The following MFRP variants were observed in gnomAD, a reference collection of about 807,000 sequenced individuals.
The protein encoded by MFRP is membrane frizzled-related protein.
MFRP carries 74 observed loss-of-function variants against 65.8 expected under a neutral mutation model. The ratio of observed to expected loss-of-function variants is 1.12; its 90% confidence interval spans 0.93 to 1.36. The LOEUF (loss-of-function observed/expected upper bound fraction) is 1.36, where lower values mean the gene tolerates loss of function less well. Ranked by LOEUF, MFRP falls within the 40% of genes most tolerant of loss-of-function variation. The probability of loss-of-function intolerance (pLI) is 0.00; values close to 1 mark genes in which losing one functional copy is unlikely to be tolerated. For synonymous variants in MFRP, 336 were observed against 288.3 expected, an observed-to-expected ratio of 1.17 and a Z score of -1.68; for missense variants, 838 against 736.0, an observed-to-expected ratio of 1.14 and a Z score of -1.60.
At chr11:119,342,509 T>G (rs1163332183) in intron 11 of MFRP, 87 bp downstream of exon 11, 2 of 1,543,388 alleles carry the variant, frequency 1.3e-6, no homozygotes, top group African/African-American at 2.7e-5. Flanking sequence ...TCAGGGAGGT[T>G]GGGATGGGAC....
rs1187452193 is a variant in MFRP, at chr11:119,346,166, G to A, written c.158-7C>T. 2 of 1,582,890 alleles carry A rather than the reference G, an allele frequency of 1.3e-6. No individual in the cohort carries two copies. The highest frequency in any genetic ancestry group is 1.3e-5 in the African/African-American group (1 of 74,408). On this transcript the variant is annotated splice_polypyrimidine_tract_variant and splice_region_variant and intron_variant, in intron 2 of 14. Coordinates refer to ENST00000619721, the MANE Select transcript of MFRP (RefSeq NM_031433.4). ...AGCCCTCGAGGACGCCGACCTGCGG[G>A]TTGGCAGGTGGGGTTTTGAAAGCCC...
At chr11:119,344,061 A>C (rs948413) in intron 8 of MFRP, 97 bp from the exon 9 acceptor site, 2 of 1,498,690 alleles carry the variant, frequency 1.3e-6, no homozygotes, top group African/African-American at 2.8e-5. Context: ...GGCTGGGGGG[A>C]TGGGGTGGTG....
Position 119,343,971 on chromosome 11 carries a change from G to T in MFRP, c.976-7C>A. ...AGATATGCCAGGTGCAGAGCTGGGG[G>T]AGGGCATAGGTGGAGCAATTCATGG... On this transcript the variant is annotated splice_polypyrimidine_tract_variant and splice_region_variant and intron_variant, in intron 8 of 14. Transcript: ENST00000619721. 6.2e-7 allele frequency: 1 copy of T among 1,611,990 alleles called. No individual in the cohort carries two copies. Among genetic ancestry groups the T allele is most frequent in the African/African-American group, 1.3e-5 (1 of 74,920 alleles).
chr11:119,345,035 G>T (rs776950274), intron 5 of MFRP, 31 bp from the exon 6 acceptor site: 1 of 1,591,736 alleles, frequency 6.3e-7, no homozygotes, highest in African/African-American at 1.3e-5. Context: ...GGTGAGGGAG[G>T]CTCCAAGAGC....
chr11:119,339,480 C>G lies in MFRP; in HGVS notation c.*1479G>C. On this transcript the variant is annotated 3_prime_UTR_variant, in exon 15 of 15. Coordinates refer to ENST00000619721, the MANE Select transcript of MFRP (RefSeq NM_031433.4). This position sits in a 1 kb window ranked among gnomAD's most constrained non-coding sequence, Gnocchi z 5.4. ...TCCTCAGGCTCCAGCCTCACCATGG[C>G]CCCCCCCGAGAGCGAGGCTGGCTTG... 1 of 1,612,828 alleles carries G rather than the reference C, an allele frequency of 6.2e-7. No homozygotes were observed. Among genetic ancestry groups the G allele is most frequent in the Non-Finnish European group, 8.5e-7 (1 of 1,179,670 alleles).
At position 119,340,212 on chromosome 11, in the gene MFRP, C is replaced by T. The variant is rs755185079; in HGVS notation, c.*1082G>A. 150 of 1,514,826 alleles carry T rather than the reference C, an allele frequency of 9.9e-5. No individual in the cohort carries two copies. The highest frequency in any genetic ancestry group is 8.2e-5 in the Non-Finnish European group (93 of 1,134,230). 93.8% of individuals were successfully genotyped at this position (1,514,826 alleles called of 1,614,324 possible). On this transcript the variant is annotated 3_prime_UTR_variant, in exon 14 of 15. Transcript: ENST00000619721. ...GCCTCCCGCCCTCGCCTTTCTCTCCCGGAGCCCCGGGCGCGCCGTCGCGGC... is the reference window on the plus strand; with the variant it reads ...GCCTCCCGCCCTCGCCTTTCTCTCCTGGAGCCCCGGGCGCGCCGTCGCGGC...
In MFRP at chr11:119,341,184, C is replaced by G. The variant is rs571257486; in HGVS notation, c.*364G>C. 3.3e-6 allele frequency: 1 copy of G among 302,952 alleles called. No individual in the cohort carries two copies. Among genetic ancestry groups the G allele is most frequent in the African/African-American group, 2.1e-5 (1 of 46,618 alleles). 18.8% of individuals were successfully genotyped at this position (302,952 alleles called of 1,614,324 possible). ...GATCCCTAGGGCCTAGGACAGGGGC[C>G]TGCCACATGAATAGATGCTCAGTAC... is the stretch of plus-strand genomic sequence containing the variant. On this transcript the variant is annotated 3_prime_UTR_variant, in exon 13 of 15. Transcript: ENST00000619721.
At chr11:119,345,050 T>C (rs1195494775) in intron 5 of MFRP, 46 bp from the exon 6 acceptor site, 3 of 1,583,882 alleles carry the variant, frequency 1.9e-6, no homozygotes, top group Non-Finnish European at 2.6e-6. Flanking sequence ...AAGAGCAGGG[T>C]CAGCCAGAGA....
At chr11:119,343,749 A>C in intron 9 of MFRP, 67 bp downstream of exon 9, 6 of 1,596,252 alleles carry the variant, frequency 3.8e-6, no homozygotes, top group Non-Finnish European at 5.1e-6. Flanking sequence ...TGCTGGGCCG[A>C]CATGGAAGCC....
Position 119,340,262 on chromosome 11 carries a change from A to G in MFRP, c.*1032T>C. The G allele has an allele frequency of 6.6e-7, 1 of 1,520,022 alleles. No homozygotes were observed. Among genetic ancestry groups the G allele is most frequent in the Middle Eastern group, 2.3e-4 (1 of 4,430 alleles). The allele number at this position is 1,520,022 out of a possible 1,614,324, so 94.2% of individuals were successfully genotyped here. Reference sequence around the variant, plus strand: ...CCGTCGCGGCCATCGCGGCCCGGCAAGCCCTGGCTGCCATGGTGGCCCGGC... The same window carrying G: ...CCGTCGCGGCCATCGCGGCCCGGCAGGCCCTGGCTGCCATGGTGGCCCGGC... On this transcript the variant is annotated 3_prime_UTR_variant, in exon 14 of 15. Coordinates refer to ENST00000619721, the MANE Select transcript of MFRP (RefSeq NM_031433.4).
Position 119,339,391 on chromosome 11 carries a change from G to C in MFRP, c.*1568C>G, listed in dbSNP as rs376692123. 6.8e-6 allele frequency: 11 copies of C among 1,613,096 alleles called. No homozygotes were observed. Among genetic ancestry groups the C allele is most frequent in the Non-Finnish European group, 9.3e-6 (11 of 1,179,388 alleles). Reference sequence around the variant, plus strand: ...ACACCAGAAATCCGGAGAAGGTGCTGTCTGTCTTGATGCTGGCATAGATGC... The same window carrying C: ...ACACCAGAAATCCGGAGAAGGTGCTCTCTGTCTTGATGCTGGCATAGATGC... On this transcript the variant is annotated 3_prime_UTR_variant, in exon 15 of 15. Coordinates refer to ENST00000619721, the MANE Select transcript of MFRP (RefSeq NM_031433.4). This position sits in a 1 kb window ranked among gnomAD's most constrained non-coding sequence, Gnocchi z 5.4.
In MFRP at chr11:119,343,877, T is replaced by C; in HGVS notation, c.1063A>G (p.Lys355Glu). 2.5e-6 allele frequency: 4 copies of C among 1,613,852 alleles called. No homozygotes were observed. The highest frequency in any genetic ancestry group is 3.4e-6 in the Non-Finnish European group (4 of 1,179,994). Residue 355 changes from lysine to glutamate, a missense_variant, in exon 9 of 15, where the codon AAG becomes GAG. Lys to Glu is a moderately conservative substitution (Grantham distance 56). Transcript: ENST00000619721. The stretch of plus-strand genomic sequence containing the variant: ...TCATACACCTCCACGTAGTCAAACT[T>C]GCACTCGTCCTGAGCCTCCAGGCTG... ...NFSLEAQDEC[K>E]FDYVEVYETS...
rs764246519 is a variant in MFRP, at chr11:119,339,638, T to C, written c.*1321A>G. 7 of 1,612,746 alleles carry C rather than the reference T, an allele frequency of 4.3e-6. No individual in the cohort carries two copies. In the East Asian group the frequency reaches 1.3e-4, roughly 31 times the overall value. ...GACCCCAGGCACCTGGCAGGTGAAC[T>C]TGCCGGTGACGGCGTCGTAATGTCC... On this transcript the variant is annotated 3_prime_UTR_variant, in exon 15 of 15. Coordinates refer to ENST00000619721, the MANE Select transcript of MFRP (RefSeq NM_031433.4). This position sits in a 1 kb window ranked among gnomAD's most constrained non-coding sequence, Gnocchi z 5.4.
intron 10 of MFRP, 49 bp from the exon 11 acceptor site, chr11:119,342,776 C>T (rs377761571): frequency 6.2e-7 from 1 of 1,613,128 alleles, no homozygotes; most frequent in African/African-American, 1.3e-5. Context: ...CCTACACCCC[C>T]AGTACCCCCA....
intron 5 of MFRP, 109 bp downstream of exon 5, chr11:119,345,311 G>C: frequency 8.7e-7 from 1 of 1,152,766 alleles, no homozygotes; most frequent in Non-Finnish European, 1.3e-6. Flanking sequence ...CAGAGGTCTA[G>C]TCTCTCAATT....
rs2135369719 is a variant in MFRP, at chr11:119,343,125, C to T, written c.1125-122G>A. On this transcript the variant is annotated intron_variant, in intron 9 of 14. Coordinates refer to ENST00000619721, the MANE Select transcript of MFRP (RefSeq NM_031433.4). ...ATGATGCCAAAGGTGATGGAAGACA[C>T]AGGGTTAGGGTCTGGCGAGAAAGAC... 5 of 1,258,882 alleles carry T rather than the reference C, an allele frequency of 4.0e-6. No homozygotes were observed. In the South Asian group the frequency reaches 5.2e-5, roughly 13 times the overall value. 78.0% of individuals were successfully genotyped at this position (1,258,882 alleles called of 1,614,324 possible). A position where few individuals can be genotyped will look rare whatever the true frequency, so the allele number is the denominator to read the frequency against.
At position 119,344,671 on chromosome 11, in the gene MFRP, C is replaced by T; in HGVS notation, c.859G>A (p.Asp287Asn). ...CTGCAATTGGTCTCATCACTGCCGT[C>T]AGCACAGTTGGCAAAACCATCACAC... Reference protein sequence around the residue: ...SVCDGFANCADGSDETNCSAK... With the variant: ...SVCDGFANCANGSDETNCSAK... The change falls in exon 7 of 15, where the codon GAC (aspartate) becomes AAC (asparagine). Residue 287 changes from aspartate to asparagine, a missense_variant. Transcript: ENST00000619721. 6.2e-7 allele frequency: 1 copy of T among 1,614,062 alleles called. No homozygotes were observed. The highest frequency in any genetic ancestry group is 8.5e-7 in the Non-Finnish European group (1 of 1,180,034).
At chr11:119,344,086 G>A in intron 8 of MFRP, 122 bp from the exon 9 acceptor site, 1 of 1,326,724 alleles carries the variant, frequency 7.5e-7, no homozygotes, top group Admixed American at 1.9e-5. Context: ...CATCATTGGT[G>A]GTTCTTAAGG....
Position 119,341,239 on chromosome 11 carries a change from AG to A in MFRP, c.*308del, listed in dbSNP as rs1950499800. The A allele has an allele frequency of 2.2e-6, 1 of 447,998 alleles. No homozygotes were observed. Among genetic ancestry groups the A allele is most frequent in the Non-Finnish European group, 4.1e-6 (1 of 245,182 alleles). 27.8% of individuals were successfully genotyped at this position (447,998 alleles called of 1,614,324 possible). ...TTGTTGAATCAAGGAAAAGGTCAGA[AG>A]GCAGGCGATGGAGAAGCTGAAAAAG... On this transcript the variant is annotated 3_prime_UTR_variant, in exon 13 of 15. Transcript: ENST00000619721.
Sources: gnomAD v4.1 joint callset for allele counts on GRCh38, gnomAD v4.1.1 for gene constraint, Gnocchi (gnomAD v3.1) non-coding constraint, MANE v1.5 for transcripts, NCBI Gene and HGNC (gene_info 2026-07-23, HGNC 2026-07-21) for gene names.